ZNF285: variants seen among roughly 807,000 people sequenced by gnomAD.
ZNF285 encodes the protein zinc finger protein 285, also known as zinc finger protein 285A.
In ZNF285, 4 loss-of-function variants were observed where a neutral mutation model predicts 6.2. The ratio of observed to expected loss-of-function variants is 0.65; its 90% CI spans 0.32 to 1.49. The LOEUF is 1.49. Ranked by LOEUF, ZNF285 falls within the 40% of genes most tolerant of loss-of-function variation. The probability of loss-of-function intolerance (pLI) is 0.07; values close to 1 mark genes in which losing one functional copy is unlikely to be tolerated. For missense variants in ZNF285, 695 were observed against 708.8 expected (o/e 0.98, Z 0.22); for synonymous variants, 240 against 245.8 (o/e 0.98, Z 0.22).
intron 3 of ZNF285, among the ~76,000 whole-genome samples, chr19:44,389,113 A>C (rs560850511): frequency 4.6e-5 from 7 of 151,222 alleles, no homozygotes; most frequent in African/African-American, 1.5e-4. Flanking sequence ...CATTTCCTTA[A>C]GTTCTGCCCT....
rs773889194 is a variant in ZNF285, at chr19:44,386,586, T to C, written c.1659A>G (p.Ser553=). ...GCACTCTCTGATGGGCAAGGAGGTA[T>C]GAATTACGACTGAAGCCCTTACCAC... The part of the protein sequence containing the change: ...KACGKGFSRN[S]YLLAHQRVHI... The change falls in exon 4 of 4, where the codon TCA becomes TCG. Residue 553 remains serine, a synonymous_variant. Coordinates refer to ENST00000614994, the MANE Select transcript of ZNF285 (RefSeq NM_152354.6). The C allele has an allele frequency of 6.3e-5, 101 of 1,614,072 alleles. No homozygotes were observed. The highest frequency in any genetic ancestry group is 8.3e-5 in the Admixed American group (5 of 59,990).
At chr19:44,395,675 C>T (rs1971269017) in intron 2 of ZNF285, among the ~76,000 whole-genome samples, 8 of 152,082 alleles carry the variant, frequency 5.3e-5, no homozygotes, top group Admixed American at 5.2e-4. Context: ...TAGAAATATC[C>T]TCTTCCATGC....
chr19:44,398,873 T>C (rs1383914571), intron 1 of ZNF285, among the ~76,000 whole-genome samples: 1 of 152,152 alleles, frequency 6.6e-6, no homozygotes, highest in African/African-American at 2.4e-5. Flanking sequence ...CAGATAGTGC[T>C]TCTCACACTA....
intron 1 of ZNF285, among the ~76,000 whole-genome samples, chr19:44,398,340 C>T: frequency 6.6e-6 from 1 of 151,434 alleles, no homozygotes; most frequent in Non-Finnish European, 1.5e-5. Flanking sequence ...ATTCCCTTGC[C>T]AGTTAGCTTC....
intron 3 of ZNF285, 93 bp from the exon 4 acceptor site, chr19:44,388,195 C>CATCAAAATATTACTGTAATATCATTG: frequency 1.7e-6 from 2 of 1,203,364 alleles, no homozygotes; most frequent in African/African-American, 3.1e-5. Context: ...GGGAAGTTGT[C>CATCAAAATATTACTGTAATATCATTG]CCTGGGTTCT....
chr19:44,395,256 A>G (rs1037914395), intron 2 of ZNF285, among the ~76,000 whole-genome samples: 4 of 152,204 alleles, frequency 2.6e-5, no homozygotes, highest in African/African-American at 9.7e-5. Context: ...GTATGAATCT[A>G]TTCAAGCATC....
rs760109612 is a variant in ZNF285, at chr19:44,387,177, C to G, written c.1068G>C (p.Arg356Ser). The change falls in exon 4 of 4, where the codon AGG (arginine) becomes AGC (serine). Residue 356 changes from arginine (R) to serine (S), a missense_variant. Transcript: ENST00000614994. The part of the protein sequence containing the change: ...CDECGKGFGF[R>S]SLLCIHQGVH... The stretch of plus-strand genomic sequence containing the variant: ...CTCCCTGATGAATACAAAGAAGTGA[C>G]CTAAATCCAAACCCTTTCCCACATT... 2.5e-6 allele frequency: 4 copies of G among 1,613,276 alleles called. No individual in the cohort carries two copies. The East Asian group carries it at 6.7e-5, about 27-fold the overall frequency.
chr19:44,391,152 C>CA (rs771843198), intron 3 of ZNF285, among the ~76,000 whole-genome samples: 6,654 of 114,436 alleles, frequency 0.058, 340 homozygotes, highest in African/African-American at 0.15. Context: ...GACTCCATCT[C>CA]AAAAAAAAAA....
intron 2 of ZNF285, chr19:44,396,895 A>C: frequency 2.6e-6 from 1 of 377,988 alleles, no homozygotes; most frequent in Non-Finnish European, 4.9e-6. Context: ...AATTTCTGTA[A>C]GTTTCTGAAC....
Position 44,387,264 on chromosome 19 carries a change from G to A in ZNF285, c.981C>T (p.Arg327=). 3 of 1,614,148 alleles carry A rather than the reference G, an allele frequency of 1.9e-6. No individual in the cohort carries two copies. The highest frequency in any genetic ancestry group is 2.2e-5 in the East Asian group (1 of 44,886). ...GATGATGGTTGTGAAGGGAAGAGCTGCGCCTGAAGCCCTTGCCACATTCTT... is the reference window on the plus strand; with the variant it reads ...GATGATGGTTGTGAAGGGAAGAGCTACGCCTGAAGCCCTTGCCACATTCTT... The part of the protein sequence containing the change: ...KCKECGKGFR[R]SSSLHNHHRV... Residue 327 remains arginine, a synonymous_variant, in exon 4 of 4, where the codon CGC becomes CGT. Coordinates refer to ENST00000614994, the MANE Select transcript of ZNF285 (RefSeq NM_152354.6).
Position 44,385,397 on chromosome 19 carries a change from TG to T in ZNF285, c.*1074del, listed in dbSNP as rs1405794846. ...AAAGTTTTACCACAGCTATATCATC[TG>T]GAACATTTCTCTTTGGTGTACTCAC... On this transcript the variant is annotated 3_prime_UTR_variant, in exon 4 of 4. Coordinates refer to ENST00000614994, the MANE Select transcript of ZNF285 (RefSeq NM_152354.6). 6.6e-6 allele frequency: 1 copy of T among 152,166 alleles called. No individual in the cohort carries two copies. The highest frequency in any genetic ancestry group is 1.5e-5 in the Non-Finnish European group (1 of 68,042). 9.4% of individuals were successfully genotyped at this position (152,166 alleles called of 1,614,324 possible).
intron 1 of ZNF285, among the ~76,000 whole-genome samples, chr19:44,398,963 A>G (rs1346877377): frequency 6.6e-6 from 1 of 152,136 alleles, no homozygotes; most frequent in African/African-American, 2.4e-5. Flanking sequence ...GGTAAGATAC[A>G]GTAACAAGAA....
chr19:44,394,614 A>C (rs1971250869), intron 2 of ZNF285: 1 of 524,076 alleles, frequency 1.9e-6, no homozygotes, highest in African/African-American at 2.0e-5. Flanking sequence ...CAAGAAACCA[A>C]TTTTTACATA....
intron 3 of ZNF285, among the ~76,000 whole-genome samples, chr19:44,388,861 T>C (rs1453609716): frequency 1.4e-5 from 2 of 146,766 alleles, no homozygotes; most frequent in African/African-American, 2.7e-5. Flanking sequence ...ATCACTGTCA[T>C]ATGGAGGACT....
In ZNF285 at chr19:44,400,514, C is replaced by G. The variant is rs189504090; in HGVS notation, c.-44+1054G>C. 3.5e-4 allele frequency among the ~76,000 whole-genome samples: 53 copies of G among 152,176 alleles called. 1 individual carries two copies. The highest frequency in any genetic ancestry group is 1.1e-3 in the African/African-American group (46 of 41,464). On this transcript the variant is annotated intron_variant, in intron 1 of 3. Transcript: ENST00000614994. Reference sequence around the variant, plus strand: ...AATGTGCTTTATAATACTCAAAGTCCCTACTCCCTGGCTCACAGCATGTGA... The same window carrying G: ...AATGTGCTTTATAATACTCAAAGTCGCTACTCCCTGGCTCACAGCATGTGA...
intron 3 of ZNF285, among the ~76,000 whole-genome samples, chr19:44,389,214 C>A (rs1178295486): frequency 6.6e-6 from 1 of 151,902 alleles, no homozygotes; most frequent in Non-Finnish European, 1.5e-5. Context: ...CCCAGGGAAG[C>A]AAGACTGTGG....
At position 44,384,637 on chromosome 19, in the gene ZNF285, T is replaced by A. The variant is rs1971042862; in HGVS notation, c.*1835A>T. ...AACTAGGAATAAACCATGATCCAAA[T>A]GAAGAAACCTATAAGTCAATTAAAA... On this transcript the variant is annotated 3_prime_UTR_variant, in exon 4 of 4. Transcript: ENST00000614994. The A allele has an allele frequency of 6.6e-6, 1 of 151,390 alleles. No individual in the cohort carries two copies. Among genetic ancestry groups the A allele is most frequent in the East Asian group, 1.9e-4 (1 of 5,164 alleles). 9.4% of individuals were successfully genotyped at this position (151,390 alleles called of 1,614,324 possible). A position where few individuals can be genotyped will look rare whatever the true frequency, so the allele number is the denominator to read the frequency against.
chr19:44,399,652 T>C (rs1194283869), intron 1 of ZNF285, among the ~76,000 whole-genome samples: 1 of 151,670 alleles, frequency 6.6e-6, no homozygotes, highest in South Asian at 2.1e-4. Context: ...ACATATATGG[T>C]TGGGGGTTTG....
At position 44,392,433 on chromosome 19, in the gene ZNF285, A is replaced by T. The variant is rs749677045; in HGVS notation, c.49T>A (p.Phe17Ile). ...RVTFKDVAVV[F>I]TKEELALLDK... The stretch of plus-strand genomic sequence containing the variant: ...AATAGTGCCAGCTCTTCCTTGGTGA[A>T]GACAACAGCCACATCCTTGAATGTC... Residue 17 changes from phenylalanine to isoleucine, a missense_variant, in exon 3 of 4, where the codon TTC becomes ATC. By Grantham distance (21) the Phe-to-Ile change is conservative. Transcript: ENST00000614994. 1 of 1,613,864 alleles carries T rather than the reference A, an allele frequency of 6.2e-7. No individual in the cohort carries two copies. Among genetic ancestry groups the T allele is most frequent in the Non-Finnish European group, 8.5e-7 (1 of 1,179,834 alleles).
Sources: allele counts gnomAD v4.1 joint callset (sites outside exome capture counted in the v4.1 genomes callset), GRCh38; gene constraint gnomAD v4.1.1; transcripts MANE v1.5; gene names NCBI Gene and HGNC (gene_info 2026-07-23, HGNC 2026-07-21).